Variants in BIN1 observed in about 807,000 individuals in gnomAD.
BIN1 encodes myc box-dependent-interacting protein 1.
BIN1 carries 53 observed loss-of-function variants against 82.0 expected under a neutral mutation model. The ratio of observed to expected loss-of-function variants is 0.65; its 90% CI spans 0.52 to 0.81. The LOEUF is 0.81. Among genes scored for constraint, BIN1 ranks in the 40% least tolerant of loss-of-function variants. The pLI is 0.00. For synonymous variants in BIN1, 302 were observed against 328.0 expected (o/e 0.92, Z 0.86); for missense variants, 642 against 784.4 (o/e 0.82, Z 2.17).
chr2:127,083,722 T>C (rs1012920143), intron 1 of BIN1, among the ~76,000 whole-genome samples: 1 of 152,244 alleles, frequency 6.6e-6, no homozygotes, highest in Non-Finnish European at 1.5e-5. Context: ...GTCCAGAATA[T>C]TCCCCGTATG....
At position 127,052,327 on chromosome 2, in the gene BIN1, C is replaced by CCTT; in HGVS notation, c.1298_1299insAAG (p.Gly433_Glu434insArg). ...AGGTGCCCTCGGCAGCGCTGGGCTC[C>CCTT]CCGGAAGGCAGGCTGCCGGCTGGAC... On this transcript the variant is annotated inframe_insertion, in exon 15 of 19. Transcript: ENST00000316724. 6.3e-7 allele frequency: 1 copy of CCTT among 1,587,568 alleles called. No individual in the cohort carries two copies. The highest frequency in any genetic ancestry group is 8.6e-7 in the Non-Finnish European group (1 of 1,167,492).
chr2:127,053,734 G>C (rs572824852), intron 13 of BIN1, 171 bp downstream of exon 13: 5 of 726,592 alleles, frequency 6.9e-6, no homozygotes, highest in Non-Finnish European at 7.2e-6. Context: ...AGCTGATCAG[G>C]GGCTGCTTCC....
intron 1 of BIN1, among the ~76,000 whole-genome samples, chr2:127,086,069 TG>T (rs1447462620): frequency 6.6e-6 from 1 of 152,190 alleles, no homozygotes; most frequent in African/African-American, 2.4e-5. Flanking sequence ...GGACTCACCT[TG>T]GGGGACACAT....
intron 1 of BIN1, chr2:127,081,979 A>T: frequency 9.9e-7 from 1 of 1,012,012 alleles, no homozygotes; most frequent in South Asian, 1.6e-5. Context: ...TCTCACACCG[A>T]GGCTCCCCAG....
chr2:127,050,145 G>A (rs1682707748), intron 18 of BIN1, among the ~76,000 whole-genome samples: 1 of 152,212 alleles, frequency 6.6e-6, no homozygotes. Flanking sequence ...GAGCAAAGGG[G>A]GGACGTGGGG....
intron 1 of BIN1, among the ~76,000 whole-genome samples, chr2:127,105,655 C>T (rs1190613243): frequency 1.3e-5 from 2 of 152,142 alleles, no homozygotes; most frequent in Non-Finnish European, 2.9e-5. Context: ...GCTCTAGGCG[C>T]CCCCCTCTCC....
chr2:127,094,011 C>T (rs1380397031), intron 1 of BIN1, among the ~76,000 whole-genome samples: 1 of 152,196 alleles, frequency 6.6e-6, no homozygotes, highest in Non-Finnish European at 1.5e-5. Flanking sequence ...GCCCTGCTCC[C>T]TGCCCTGGAG....
chr2:127,059,478 A>C lies in BIN1; in HGVS notation c.858-323T>G, dbSNP rs980581965. Among the ~76,000 whole-genome samples, 6 of 151,982 alleles carry C rather than the reference A, an allele frequency of 3.9e-5. No individual in the cohort carries two copies. The highest frequency in any genetic ancestry group is 1.5e-4 in the African/African-American group (6 of 41,352). ...TCGCAGAGACCAGACCAACCACCCC[A>C]CAGGCTCCATGGGGTCCACCAGGGC... is the stretch of plus-strand genomic sequence containing the variant. On this transcript the variant is annotated intron_variant, in intron 10 of 18. Transcript: ENST00000316724. This position sits in a 1 kb window ranked among gnomAD's most constrained non-coding sequence, Gnocchi z 6.7.
Position 127,068,143 on chromosome 2 carries a change from A to C in BIN1, c.612+20T>G. The C allele has an allele frequency of 6.2e-7, 1 of 1,609,774 alleles. No individual in the cohort carries two copies. The highest frequency in any genetic ancestry group is 1.1e-5 in the South Asian group (1 of 90,404). On this transcript the variant is annotated intron_variant, in intron 7 of 18. Transcript: ENST00000316724. This position sits in a 1 kb window ranked among gnomAD's most constrained non-coding sequence, Gnocchi z 4.9. ...AGACCGGAAGGCGCCAGCACGTGCA[A>C]GGTTAGAAGCCAGTGTCACCTGATT...
chr2:127,070,209 G>A, intron 4 of BIN1, 119 bp from the exon 5 acceptor site: 1 of 815,268 alleles, frequency 1.2e-6, no homozygotes, highest in Non-Finnish European at 2.1e-6. Flanking sequence ...GCTTCTCAGA[G>A]CCTCAGTTTC....
At chr2:127,102,227 G>A (rs1001758703) in intron 1 of BIN1, among the ~76,000 whole-genome samples, 3 of 152,174 alleles carry the variant, frequency 2.0e-5, no homozygotes, top group Non-Finnish European at 2.9e-5. Context: ...AGGACTCAGG[G>A]ATTCTAGAAC....
At position 127,079,182 on chromosome 2, in the gene BIN1, G is replaced by C. The variant is rs143143058; in HGVS notation, c.85-2476C>G. Among the ~76,000 whole-genome samples the C allele has an allele frequency of 7.2e-5, 11 of 152,340 alleles. No individual in the cohort carries two copies. In the East Asian group the frequency reaches 2.1e-3, roughly 29 times the overall value. ...GCTCTGCACAGACAGCTGGAGAACTGGGGAGATCTTCCAGCCTTGAGAACG... is the reference window on the plus strand; with the variant it reads ...GCTCTGCACAGACAGCTGGAGAACTCGGGAGATCTTCCAGCCTTGAGAACG... On this transcript the variant is annotated intron_variant, in intron 1 of 18. Coordinates refer to ENST00000316724, the MANE Select transcript of BIN1 (RefSeq NM_139343.3).
intron 1 of BIN1, 68 bp from the exon 2 acceptor site, chr2:127,076,774 C>G (rs1686669368): frequency 5.8e-6 from 9 of 1,546,050 alleles, no homozygotes; most frequent in Non-Finnish European, 8.0e-6. Flanking sequence ...CAAGAGTGCT[C>G]AGTCACCAAC....
intron 7 of BIN1, among the ~76,000 whole-genome samples, chr2:127,065,575 TGG>T (rs1332403230): frequency 6.6e-6 from 1 of 152,116 alleles, no homozygotes; most frequent in Admixed American, 6.5e-5. Context: ...CTGCCAACAG[TGG>T]GTCTAAAGTC....
chr2:127,092,647 T>A (rs112668351), intron 1 of BIN1, among the ~76,000 whole-genome samples: 2 of 152,244 alleles, frequency 1.3e-5, no homozygotes, highest in African/African-American at 4.8e-5. Context: ...CCCGGGCAAG[T>A]CACCAGCCTT....
intron 1 of BIN1, among the ~76,000 whole-genome samples, chr2:127,100,485 G>A (rs1680175598): frequency 6.6e-6 from 1 of 152,192 alleles, no homozygotes; most frequent in Non-Finnish European, 1.5e-5. Flanking sequence ...GACCACAAGG[G>A]AGGTAGAAGC....
intron 1 of BIN1, among the ~76,000 whole-genome samples, chr2:127,084,211 G>A (rs879707554): frequency 2.6e-5 from 4 of 152,158 alleles, no homozygotes; most frequent in Non-Finnish European, 4.4e-5. Context: ...CACCGTATGC[G>A]CAGTGAAGTC....
At chr2:127,087,805 C>T (rs1678381984) in intron 1 of BIN1, among the ~76,000 whole-genome samples, 1 of 152,188 alleles carries the variant, frequency 6.6e-6, no homozygotes, top group African/African-American at 2.4e-5. Context: ...TCAGCCACCC[C>T]ACCACCTTCC....
At chr2:127,066,754 T>A (rs1305117394) in intron 7 of BIN1, among the ~76,000 whole-genome samples, 1 of 152,032 alleles carries the variant, frequency 6.6e-6, no homozygotes, top group Non-Finnish European at 1.5e-5. Context: ...CTAAAATAAA[T>A]CAGGCAGCAG....
Sources: gnomAD v4.1 joint callset for allele counts (sites outside exome capture counted in the v4.1 genomes callset) on GRCh38, gnomAD v4.1.1 for gene constraint, Gnocchi (gnomAD v3.1) non-coding constraint, MANE v1.5 for transcripts, NCBI Gene and HGNC (gene_info 2026-07-23, HGNC 2026-07-21) for gene names.